Variants in UBA7 observed in about 807,000 individuals in gnomAD.
UBA7 encodes the protein ubiquitin like modifier activating enzyme 7.
UBA7 carries 88 observed loss-of-function variants against 113.0 expected under a neutral mutation model. The ratio of observed to expected loss-of-function variants is 0.78; its 90% confidence interval spans 0.66 to 0.93. The LOEUF (loss-of-function observed/expected upper bound fraction) is 0.93, where lower values mean the gene tolerates loss of function less well. Ranked by LOEUF, UBA7 falls within the 40% of genes least tolerant of loss-of-function variation. The pLI, the probability that UBA7 is intolerant of heterozygous loss-of-function variation, is 0.00. For missense variants in UBA7, 1,092 were observed against 1,266.4 expected, an observed-to-expected ratio of 0.86 and a Z score of 2.09; for synonymous variants, 459 against 513.0, an observed-to-expected ratio of 0.89 and a Z score of 1.42.
rs775380521 is a variant in UBA7, at chr3:49,813,260, A to G, written c.349T>C (p.Leu117=). ...HTGDITEDLL[L]DFQVVVLTAA... ...AGGCCTGAGCTGACCTGGAAGTCCA[A>G]CAGCAGGTCCTCAGTGATGTCACCC... Residue 117 remains leucine (L), a synonymous_variant, in exon 3 of 24, where the codon TTG becomes CTG. Transcript: ENST00000333486. 14 of 1,613,950 alleles carry G rather than the reference A, an allele frequency of 8.7e-6. No homozygotes were observed. Among genetic ancestry groups the G allele is most frequent in the Admixed American group, 1.7e-5 (1 of 59,986 alleles).
intron 5 of UBA7, 26 bp from the exon 6 acceptor site, chr3:49,812,569 G>A: frequency 6.2e-7 from 1 of 1,614,132 alleles, no homozygotes; most frequent in Non-Finnish European, 8.5e-7. Context: ...CTTGGCTCAG[G>A]GTTGCCTGGA....
In UBA7 at chr3:49,812,411, G is replaced by C; in HGVS notation, c.691C>G (p.Arg231Gly). Residue 231 changes from arginine (R) to glycine (G), a missense_variant, in exon 6 of 24, where the codon CGG becomes GGG. Physicochemically the swap from Arg to Gly is moderately radical, Grantham distance 125. Coordinates refer to ENST00000333486, the MANE Select transcript of UBA7 (RefSeq NM_003335.3). ...NDCDPRSIHV[R>G]EDGSLEIGDT... ...AATTGGAATGGGATTGGCTTACCCC[G>C]CACGTGGATAGACCGGGGATCACAG... 6.2e-7 allele frequency: 1 copy of C among 1,614,180 alleles called. No homozygotes were observed. The highest frequency in any genetic ancestry group is 8.5e-7 in the Non-Finnish European group (1 of 1,180,020).
intron 8 of UBA7, 176 bp from the exon 9 acceptor site, chr3:49,811,631 G>C (rs941113025): frequency 8.8e-7 from 1 of 1,132,780 alleles, no homozygotes; most frequent in Non-Finnish European, 1.2e-6. Context: ...CCCAGTACCA[G>C]ACAGCAGTCC....
rs2081542849 is a variant in UBA7 at position 49,811,332 on chromosome 3, C to T, written c.1063G>A (p.Gly355Ser). 6.2e-7 allele frequency: 1 copy of T among 1,614,116 alleles called. No homozygotes were observed. The highest frequency in any genetic ancestry group is 1.1e-5 in the South Asian group (1 of 91,086). ...LVRTVALSSA[G>S]VLSPMVAMLG... ...ATGGCCACCATAGGGCTCAAGACACCTGCACTGCTTAGGGCGACTGTCCGC... is the reference window on the plus strand; with the variant it reads ...ATGGCCACCATAGGGCTCAAGACACTTGCACTGCTTAGGGCGACTGTCCGC... The change falls in exon 9 of 24, where the codon GGT becomes AGT. Residue 355 changes from glycine to serine, a missense_variant. By Grantham distance (56) the Gly-to-Ser change is moderately conservative. Transcript: ENST00000333486.
Position 49,809,028 on chromosome 3 carries a change from C to T in UBA7, c.2295G>A (p.Met765Ile). ...CTAGATTACTAGCAAAGATGGGGGC[C>T]ATCTGTTGGGGGTCAGGCTGTGGCA... ...KLLPQPDPQQMAPIFASNLEL... is the reference protein window; with the variant it reads ...KLLPQPDPQQIAPIFASNLEL... Residue 765 changes from methionine (M) to isoleucine (I), a missense_variant, in exon 18 of 24, where the codon ATG becomes ATA. Physicochemically the swap from Met to Ile is conservative, Grantham distance 10. Transcript: ENST00000333486. The T allele has an allele frequency of 6.2e-7, 1 of 1,613,900 alleles. No individual in the cohort carries two copies. The highest frequency in any genetic ancestry group is 8.5e-7 in the Non-Finnish European group (1 of 1,180,008).
intron 3 of UBA7, 28 bp from the exon 4 acceptor site, chr3:49,813,196 C>T: frequency 6.2e-7 from 1 of 1,613,654 alleles, no homozygotes; most frequent in Non-Finnish European, 8.5e-7. Flanking sequence ...TCAGCAGGGC[C>T]AAAACCATTG....
Position 49,810,265 on chromosome 3 carries a change from G to A in UBA7, c.1631C>T (p.Ala544Val). Reference sequence around the variant, plus strand: ...GACCTCCGAAGTCAAGCACTCACGGGCCTGGAAACTGTCCAGGGCAGCAGC... The same window carrying A: ...GACCTCCGAAGTCAAGCACTCACGGACCTGGAAACTGTCCAGGGCAGCAGC... ...GVAAALDSFQ[A>V]RRYVAARCTH... The change falls in exon 13 of 24, where the codon GCC becomes GTC. Residue 544 changes from alanine (A) to valine (V), a missense_variant and splice_region_variant. By Grantham distance (64) the Ala-to-Val change is moderately conservative. Transcript: ENST00000333486. The surrounding 1 kb of genome is among the most constrained non-coding windows in gnomAD (Gnocchi z 5.6). The A allele has an allele frequency of 6.2e-7, 1 of 1,613,826 alleles. No homozygotes were observed. Among genetic ancestry groups the A allele is most frequent in the Non-Finnish European group, 8.5e-7 (1 of 1,179,954 alleles).
Position 49,810,209 on chromosome 3 carries a change from G to A in UBA7, c.1634-26C>T, listed in dbSNP as rs1799844. 0.15 allele frequency: 247,168 copies of A among 1,612,432 alleles called. 20,715 individuals are homozygous for A. Among genetic ancestry groups the A allele is most frequent in the Middle Eastern group, 0.21 (1,262 of 6,058 alleles). On this transcript the variant is annotated intron_variant, in intron 13 of 23. Transcript: ENST00000333486. This position sits in a 1 kb window ranked among gnomAD's most constrained non-coding sequence, Gnocchi z 5.6. ...CTGGCAAGGGAGCAGTGGGTCAGAA[G>A]TGGGACTGGCACAGCTGTGGGCAAG...
chr3:49,813,452 C>A, intron 2 of UBA7, 27 bp downstream of exon 2: 1 of 1,609,104 alleles, frequency 6.2e-7, no homozygotes, highest in Non-Finnish European at 8.5e-7. Context: ...CTTGGTCTGG[C>A]AGCCCATAGC....
Position 49,806,290 on chromosome 3 carries a change from TG to T in UBA7, c.2716-126del, listed in dbSNP as rs890836991. The T allele has an allele frequency of 1.9e-4, 113 of 583,596 alleles. No homozygotes were observed. In the Admixed American group the frequency reaches 2.8e-3, roughly 15 times the overall value. The allele number at this position is 583,596 out of a possible 1,614,324, so 36.2% of individuals were successfully genotyped here. Reference sequence around the variant, plus strand: ...GAAACAGGAGCCAGGGGGTGGGGGGTGGGGGGGAGGTGGGATCTGGGCCCAG... The same window carrying T: ...GAAACAGGAGCCAGGGGGTGGGGGGTGGGGGGAGGTGGGATCTGGGCCCAG... On this transcript the variant is annotated intron_variant, in intron 21 of 23. Coordinates refer to ENST00000333486, the MANE Select transcript of UBA7 (RefSeq NM_003335.3).
chr3:49,809,178 C>A lies in UBA7; in HGVS notation c.2164-19G>T. ...GTGTGTCCTGCAGCCAGACCAAGAG[C>A]AGGAACAGAGGCATGGGTGCATGGG... On this transcript the variant is annotated intron_variant, in intron 17 of 23. Transcript: ENST00000333486. The A allele has an allele frequency of 3.7e-6, 6 of 1,601,154 alleles. No homozygotes were observed. Among genetic ancestry groups the A allele is most frequent in the Non-Finnish European group, 5.1e-6 (6 of 1,172,822 alleles).
Position 49,813,524 on chromosome 3 carries a change from A to C in UBA7, c.180T>G (p.Thr60=). The change falls in exon 2 of 24, where the codon ACT becomes ACG. Residue 60 remains threonine, a synonymous_variant. Transcript: ENST00000333486. ...NLVLMGVGSL[T]LHDPHPTCWS... ...AGCAGGTGGGGTGGGGATCATGCAG[A>C]GTGAGGCTGCCCACACCCATCAGAA... 1 of 1,613,982 alleles carries C rather than the reference A, an allele frequency of 6.2e-7. No individual in the cohort carries two copies. Among genetic ancestry groups the C allele is most frequent in the Non-Finnish European group, 8.5e-7 (1 of 1,180,034 alleles).
At position 49,807,638 on chromosome 3, in the gene UBA7, G is replaced by A. The variant is rs1472529419; in HGVS notation, c.2715+98C>T. The A allele has an allele frequency of 6.1e-5, 88 of 1,435,688 alleles. No individual in the cohort carries two copies. Among genetic ancestry groups the A allele is most frequent in the Admixed American group, 2.6e-5 (1 of 39,088 alleles). The allele number at this position is 1,435,688 out of a possible 1,614,324, so 88.9% of individuals were successfully genotyped here. Reference sequence around the variant, plus strand: ...TCTTCAGGACTTCTGCACAGTCTGAGTTTCAGTGAGAGCCGGCAGCTAGAT... The same window carrying A: ...TCTTCAGGACTTCTGCACAGTCTGAATTTCAGTGAGAGCCGGCAGCTAGAT... On this transcript the variant is annotated intron_variant, in intron 21 of 23. Coordinates refer to ENST00000333486, the MANE Select transcript of UBA7 (RefSeq NM_003335.3). This position sits in a 1 kb window ranked among gnomAD's most constrained non-coding sequence, Gnocchi z 4.0.
Position 49,809,684 on chromosome 3 carries a change from A to G in UBA7, c.1946T>C (p.Leu649Pro), listed in dbSNP as rs200872185. Residue 649 changes from leucine (L) to proline (P), a missense_variant, in exon 16 of 24, where the codon CTC (leucine) becomes CCC (proline). By Grantham distance (98) the Leu-to-Pro change is moderately conservative. Transcript: ENST00000333486. ...SLADMDEPQT[L>P]TLLKPVLGVL... Reference sequence around the variant, plus strand: ...CCCAAGCACTGGCTTCAGTAAGGTGAGTGTCTGTGGCTCATCCATGTCTGC... The same window carrying G: ...CCCAAGCACTGGCTTCAGTAAGGTGGGTGTCTGTGGCTCATCCATGTCTGC... 4 of 1,614,070 alleles carry G rather than the reference A, an allele frequency of 2.5e-6. No homozygotes were observed. The East Asian group carries it at 8.9e-5, about 36-fold the overall frequency.
In UBA7 at chr3:49,811,928, A is replaced by G; in HGVS notation, c.881T>C (p.Phe294Ser). 1 of 1,614,228 alleles carries G rather than the reference A, an allele frequency of 6.2e-7. No individual in the cohort carries two copies. The highest frequency in any genetic ancestry group is 1.1e-5 in the South Asian group (1 of 91,086). ...VHHAHCLHQA[F>S]CALHKFQHLH... The stretch of plus-strand genomic sequence containing the variant: ...GTGCTGGAACTTGTGCAGTGCACAG[A>G]AGGCCTGATGCAGGCAGTGGGCATG... The change falls in exon 8 of 24, where the codon TTC (phenylalanine) becomes TCC (serine). Residue 294 changes from phenylalanine (F) to serine (S), a missense_variant. Physicochemically the swap from Phe to Ser is radical, Grantham distance 155 (BLOSUM62 -2). Around this residue, in one of 3 missense-constraint regions of UBA7, gnomAD observed 584 missense variants for 714.5 expected, o/e 0.82. Transcript: ENST00000333486.
In UBA7 at chr3:49,810,803, T is replaced by G; in HGVS notation, c.1260A>C (p.Ala420=). 1 of 1,614,106 alleles carries G rather than the reference T, an allele frequency of 6.2e-7. No individual in the cohort carries two copies. The highest frequency in any genetic ancestry group is 8.5e-7 in the Non-Finnish European group (1 of 1,180,012). ...LRGSRYDGQI[A]VFGAGFQEKL... Reference sequence around the variant, plus strand: ...TCTCCTGAAAACCAGCCCCAAACACTGCAATTTGCCCATCATAGCGGCTGC... The same window carrying G: ...TCTCCTGAAAACCAGCCCCAAACACGGCAATTTGCCCATCATAGCGGCTGC... Residue 420 remains alanine (A), a synonymous_variant, in exon 11 of 24, where the codon GCA becomes GCC. Transcript: ENST00000333486. This position sits in a 1 kb window ranked among gnomAD's most constrained non-coding sequence, Gnocchi z 5.6.
chr3:49,811,133 G>A, intron 9 of UBA7, 42 bp from the exon 10 acceptor site: 1 of 1,609,508 alleles, frequency 6.2e-7, no homozygotes, highest in African/African-American at 1.3e-5. Flanking sequence ...GCCACCTCCT[G>A]ACCCCCCTCA....
chr3:49,811,786 T>C (rs1366312033), intron 8 of UBA7, 84 bp downstream of exon 8: 2 of 1,579,290 alleles, frequency 1.3e-6, no homozygotes, highest in East Asian at 4.5e-5. Flanking sequence ...CAGACTTGGA[T>C]TTGTGAATGG....
chr3:49,811,479 T>C, intron 8 of UBA7, 24 bp from the exon 9 acceptor site: 1 of 1,555,756 alleles, frequency 6.4e-7, no homozygotes, highest in Non-Finnish European at 8.7e-7. Context: ...TCTGTGGGCA[T>C]AGTAGCCCCA....
Sources: gnomAD v4.1 joint callset for allele counts on GRCh38, gnomAD v4.1.1 for gene constraint, gnomAD v4.1.1 regional missense constraint, Gnocchi (gnomAD v3.1) non-coding constraint, MANE v1.5 for transcripts, NCBI Gene and HGNC (gene_info 2026-07-23, HGNC 2026-07-21) for gene names.